The following CDH4 variants were observed in gnomAD, a reference collection of about 807,000 sequenced individuals.
The protein encoded by CDH4 is cadherin 4, also known as cadherin-4.
CDH4 carries 33 observed loss-of-function variants against 86.0 expected under a neutral mutation model. The observed-to-expected ratio is 0.38, with a 90% confidence interval of 0.29 to 0.51. The LOEUF (loss-of-function observed/expected upper bound fraction) is 0.51. Among genes scored for constraint, CDH4 ranks in the 20% least tolerant of loss-of-function variants. The pLI is 0.86. For missense variants in CDH4, 1,114 were observed against 1,307.4 expected, an observed-to-expected ratio of 0.85 and a Z score of 2.28; for synonymous variants, 555 against 549.4, an observed-to-expected ratio of 1.01 and a Z score of -0.14.
chr20:61,329,345 T>TCCCCCCG (rs2084556070), intron 2 of CDH4, among the ~76,000 whole-genome samples: 1 of 151,130 alleles, frequency 6.6e-6, no homozygotes, highest in South Asian at 2.1e-4. Flanking sequence ...GTCCTCATGG[T>TCCCCCCG]TCCCTCGTGG....
At position 61,937,036 on chromosome 20, in the gene CDH4, C is replaced by T. The variant is rs894678846; in HGVS notation, c.*93C>T. The T allele has an allele frequency of 2.7e-5, 30 of 1,117,824 alleles. No homozygotes were observed. Among genetic ancestry groups the T allele is most frequent in the Admixed American group, 3.0e-5 (1 of 33,300 alleles). 69.2% of individuals were successfully genotyped at this position (1,117,824 alleles called of 1,614,324 possible). ...GGCGGCCGGTCTTCCCGACTCCCTG[C>T]GGCTGTGTCCTTAGTGCTGTTAGGA... On this transcript the variant is annotated 3_prime_UTR_variant, in exon 16 of 16. Transcript: ENST00000614565.
At chr20:61,751,148 A>G (rs1469367175) in intron 3 of CDH4, among the ~76,000 whole-genome samples, 1 of 152,212 alleles carries the variant, frequency 6.6e-6, no homozygotes, top group Admixed American at 6.5e-5. Context: ...GGAAAGGGCG[A>G]AGGTAGCCTA....
chr20:61,841,701 G>A lies in CDH4; in HGVS notation c.577-2967G>A, dbSNP rs6061856. ...GGGAAAGTAAGGAGGTGCATTGCGG[G>A]GGGGAACAAAGACGCTCCTCACAGA... On this transcript the variant is annotated intron_variant, in intron 4 of 15. Transcript: ENST00000614565. Among the ~76,000 whole-genome samples the A allele has an allele frequency of 5.6e-3, 856 of 152,064 alleles. 9 individuals carry two copies. The highest frequency in any genetic ancestry group is 0.019 in the African/African-American group (790 of 41,532).
intron 2 of CDH4, among the ~76,000 whole-genome samples, chr20:61,597,189 A>G (rs935097149): frequency 9.9e-5 from 15 of 152,194 alleles, no homozygotes; most frequent in African/African-American, 3.1e-4. Context: ...TAAGAGGGGA[A>G]TAAAAGAGGT....
intron 2 of CDH4, among the ~76,000 whole-genome samples, chr20:61,686,496 C>G (rs1365898925): frequency 2.1e-5 from 3 of 140,770 alleles, no homozygotes; most frequent in African/African-American, 8.1e-5. Flanking sequence ...TGTGCATTCG[C>G]GTGTGTGTAT....
chr20:61,873,610 G>T (rs1482603797), intron 6 of CDH4, 118 bp from the exon 7 acceptor site: 5 of 1,056,210 alleles, frequency 4.7e-6, no homozygotes, highest in African/African-American at 1.6e-5. Flanking sequence ...GAGGAAGGGG[G>T]TTCCGCTACG....
intron 2 of CDH4, among the ~76,000 whole-genome samples, chr20:61,255,365 C>T (rs1181968748): frequency 6.6e-6 from 1 of 152,204 alleles, no homozygotes; most frequent in African/African-American, 2.4e-5. Context: ...TTCATTACTG[C>T]CCCACTGACA....
At chr20:61,702,715 TA>T (rs1432985750) in intron 2 of CDH4, among the ~76,000 whole-genome samples, 1 of 152,254 alleles carries the variant, frequency 6.6e-6, no homozygotes, top group Non-Finnish European at 1.5e-5. Context: ...AAGTGCTTAG[TA>T]AATCCAATTA....
chr20:61,912,540 A>C (rs980216969), intron 9 of CDH4, among the ~76,000 whole-genome samples: 1 of 152,262 alleles, frequency 6.6e-6, no homozygotes, highest in African/African-American at 2.4e-5. Flanking sequence ...CCCATCACCT[A>C]GATTTAATTA....
chr20:61,603,226 C>G (rs2086616786), intron 2 of CDH4, among the ~76,000 whole-genome samples: 1 of 152,148 alleles, frequency 6.6e-6, no homozygotes, highest in African/African-American at 2.4e-5. Context: ...AGTTCCCACT[C>G]TGGTTGGGAG....
chr20:61,376,487 A>G (rs1265184300), intron 2 of CDH4, among the ~76,000 whole-genome samples: 1 of 152,084 alleles, frequency 6.6e-6, no homozygotes, highest in Non-Finnish European at 1.5e-5. Flanking sequence ...GGGGCAGGGG[A>G]ACCTGCAGCA....
chr20:61,787,572 A>G (rs909332957), intron 4 of CDH4, among the ~76,000 whole-genome samples: 2 of 152,198 alleles, frequency 1.3e-5, no homozygotes, highest in African/African-American at 4.8e-5. Flanking sequence ...CAGCGAAACC[A>G]TATCAACCCC....
chr20:61,799,297 C>T (rs976610259), intron 4 of CDH4, among the ~76,000 whole-genome samples: 6 of 152,132 alleles, frequency 3.9e-5, no homozygotes, highest in Non-Finnish European at 8.8e-5. Context: ...TGGGCGAAAC[C>T]CAGCTGCTAC....
At chr20:61,315,987 C>T (rs1384324537) in intron 2 of CDH4, among the ~76,000 whole-genome samples, 3 of 152,160 alleles carry the variant, frequency 2.0e-5, no homozygotes, top group South Asian at 2.1e-4. Context: ...AGGGAACAGG[C>T]GATTTCCACA....
chr20:61,427,241 G>A (rs2085219977), intron 2 of CDH4, among the ~76,000 whole-genome samples: 1 of 152,194 alleles, frequency 6.6e-6, no homozygotes, highest in Admixed American at 6.5e-5. Context: ...TGTGCAGGGA[G>A]CTGACCCTGC....
At chr20:61,911,506 A>G (rs1273797759) in intron 9 of CDH4, among the ~76,000 whole-genome samples, 1 of 152,258 alleles carries the variant, frequency 6.6e-6, no homozygotes, top group Non-Finnish European at 1.5e-5. Context: ...AATAGGACTA[A>G]GAAGAAAAGA....
At chr20:61,834,722 G>A (rs1044734646) in intron 4 of CDH4, among the ~76,000 whole-genome samples, 4 of 111,342 alleles carry the variant, frequency 3.6e-5, no homozygotes, top group Admixed American at 8.9e-5. Flanking sequence ...GCCTATCCCC[G>A]CAGCCTCACG....
rs1312389815 is a variant in CDH4, at chr20:61,399,417, C to G, written c.169+144480C>G. Among the ~76,000 whole-genome samples the G allele has an allele frequency of 6.2e-4, 28 of 45,200 alleles. 9 individuals carry two copies. Among genetic ancestry groups the G allele is most frequent in the Non-Finnish European group, 4.5e-4 (11 of 24,316 alleles). 29.7% of individuals were successfully genotyped at this position (45,200 alleles called of 152,430 possible). ...AAAGTGCTGGGATTACAGGCGTGAGCCACCGCGCCCGGCCAAAACCCACTT... is the reference window on the plus strand; with the variant it reads ...AAAGTGCTGGGATTACAGGCGTGAGGCACCGCGCCCGGCCAAAACCCACTT... On this transcript the variant is annotated intron_variant, in intron 2 of 15. Transcript: ENST00000614565.
intron 1 of CDH4, among the ~76,000 whole-genome samples, chr20:61,253,079 C>G (rs896070283): frequency 6.6e-6 from 1 of 151,566 alleles, no homozygotes; most frequent in Non-Finnish European, 1.5e-5. Flanking sequence ...CCTGGGGGTC[C>G]GTCTAGCGGC....
Sources: gnomAD v4.1 joint callset for allele counts (sites outside exome capture counted in the v4.1 genomes callset) on GRCh38, gnomAD v4.1.1 for gene constraint, MANE v1.5 for transcripts, NCBI Gene and HGNC (gene_info 2026-07-23, HGNC 2026-07-21) for gene names.